The following LDB2 variants were observed in gnomAD, a reference collection of about 807,000 sequenced individuals.
The protein encoded by LDB2 is LIM domain binding 2.
Under a neutral mutation model 44.3 loss-of-function variants are expected in LDB2, and 12 were observed. That is an observed-to-expected ratio of 0.27 (90% CI 0.17 to 0.44). The LOEUF (loss-of-function observed/expected upper bound fraction) is 0.44, where lower values mean the gene tolerates loss of function less well. Ranked by LOEUF, LDB2 falls within the 20% of genes least tolerant of loss-of-function variation. The probability of loss-of-function intolerance (pLI) is 1.00; values close to 1 mark genes in which losing one functional copy is unlikely to be tolerated. For missense variants in LDB2, 344 were observed against 473.5 expected, an observed-to-expected ratio of 0.73 and a Z score of 2.54; for synonymous variants, 164 against 174.8, an observed-to-expected ratio of 0.94 and a Z score of 0.49.
At chr4:16,751,286 A>G (rs1205491591) in intron 2 of LDB2, among the ~76,000 whole-genome samples, 1 of 152,196 alleles carries the variant, frequency 6.6e-6, no homozygotes, top group Non-Finnish European at 1.5e-5. Flanking sequence ...ATAAAAACAT[A>G]CCATATCTGA....
At chr4:16,664,524 C>T (rs1185334959) in intron 2 of LDB2, among the ~76,000 whole-genome samples, 1 of 152,096 alleles carries the variant, frequency 6.6e-6, no homozygotes, top group African/African-American at 2.4e-5. Context: ...CTAAGACCCC[C>T]GTGTTGATCT....
chr4:16,847,695 C>A (rs948814060), intron 1 of LDB2, among the ~76,000 whole-genome samples: 1 of 152,180 alleles, frequency 6.6e-6, no homozygotes, highest in Non-Finnish European at 1.5e-5. Flanking sequence ...CGGCTCATTG[C>A]AAGCTCCGCC....
chr4:16,713,320 G>A (rs1381471026), intron 2 of LDB2, among the ~76,000 whole-genome samples: 2 of 151,946 alleles, frequency 1.3e-5, no homozygotes, highest in East Asian at 3.9e-4. Context: ...TACACTTAAT[G>A]GCAATTGGTG....
At chr4:16,659,648 CACAT>C (rs1027680453) in intron 2 of LDB2, among the ~76,000 whole-genome samples, 5 of 81,192 alleles carry the variant, frequency 6.2e-5, no homozygotes, top group Non-Finnish European at 1.4e-4. Flanking sequence ...TATACACACA[CACAT>C]ATGAGTATAT....
chr4:16,591,429 T>G (rs1560569557), intron 3 of LDB2, among the ~76,000 whole-genome samples: 1 of 152,220 alleles, frequency 6.6e-6, no homozygotes, highest in Non-Finnish European at 1.5e-5. Context: ...CCTCCTAGTT[T>G]CAGTCAAAAC....
At chr4:16,684,571 C>T (rs770997120) in intron 2 of LDB2, among the ~76,000 whole-genome samples, 5 of 152,152 alleles carry the variant, frequency 3.3e-5, no homozygotes, top group Admixed American at 6.5e-5. Context: ...GAGAAAAACA[C>T]TTTGAAAAGG....
In LDB2 at chr4:16,836,273, G is replaced by A. The variant is rs148621496; in HGVS notation, c.132+62081C>T. 5.3e-4 allele frequency among the ~76,000 whole-genome samples: 80 copies of A among 152,318 alleles called. 2 individuals carry two copies. Among genetic ancestry groups the A allele is most frequent in the Admixed American group, 3.3e-3 (51 of 15,306 alleles). On this transcript the variant is annotated intron_variant, in intron 1 of 7. Coordinates refer to ENST00000304523, the MANE Select transcript of LDB2 (RefSeq NM_001290.5). ...TGAAGAATCTCAAATTATTGAGCTT[G>A]TGGGACTAAAATCTAGAACTTCATC...
intron 1 of LDB2, among the ~76,000 whole-genome samples, chr4:16,761,915 G>A (rs1040100691): frequency 2.6e-5 from 4 of 152,158 alleles, no homozygotes; most frequent in African/African-American, 9.7e-5. Flanking sequence ...GGCCTAGGTG[G>A]ATAGATCACC....
At chr4:16,676,366 A>C (rs1746332270) in intron 2 of LDB2, among the ~76,000 whole-genome samples, 1 of 152,220 alleles carries the variant, frequency 6.6e-6, no homozygotes, top group African/African-American at 2.4e-5. Context: ...TATTGCTAGA[A>C]AGTGGAAAGC....
intron 2 of LDB2, among the ~76,000 whole-genome samples, chr4:16,615,295 C>T (rs146164889): frequency 5.3e-5 from 8 of 152,208 alleles, no homozygotes; most frequent in African/African-American, 1.9e-4. Context: ...ACTATAAAGA[C>T]ACATGTACAC....
At chr4:16,753,285 C>T (rs1010148689) in intron 2 of LDB2, among the ~76,000 whole-genome samples, 2 of 152,100 alleles carry the variant, frequency 1.3e-5, no homozygotes, top group Non-Finnish European at 2.9e-5. Context: ...TGGGTGAGTT[C>T]GAACCAATAA....
intron 2 of LDB2, among the ~76,000 whole-genome samples, chr4:16,618,029 T>G (rs1344070694): frequency 6.6e-6 from 1 of 152,188 alleles, no homozygotes; most frequent in African/African-American, 2.4e-5. Flanking sequence ...ACTTGGGAAC[T>G]ACTTCCTCCA....
At chr4:16,637,450 CTCAT>C (rs993023578) in intron 2 of LDB2, among the ~76,000 whole-genome samples, 14 of 151,896 alleles carry the variant, frequency 9.2e-5, no homozygotes, top group African/African-American at 3.4e-4. Flanking sequence ...TCAATGATGA[CTCAT>C]TCATTAATTC....
At chr4:16,599,720 G>A (rs1157466612) in intron 2 of LDB2, among the ~76,000 whole-genome samples, 1 of 152,198 alleles carries the variant, frequency 6.6e-6, no homozygotes, top group Non-Finnish European at 1.5e-5. Context: ...CAGACAGCCA[G>A]AACAAAATCC....
intron 2 of LDB2, among the ~76,000 whole-genome samples, chr4:16,751,385 A>G (rs977781908): frequency 4.6e-5 from 7 of 152,164 alleles, no homozygotes; most frequent in Non-Finnish European, 1.0e-4. Context: ...CCATTATCTC[A>G]TGCGATCATT....
At position 16,898,248 on chromosome 4, in the gene LDB2, T is replaced by C. The variant is rs1314037567; in HGVS notation, c.132+106A>G. The C allele has an allele frequency of 5.4e-6, 6 of 1,110,360 alleles. No individual in the cohort carries two copies. The East Asian group carries it at 1.5e-4, about 27-fold the overall frequency. The allele number at this position is 1,110,360 out of a possible 1,614,324, so 68.8% of individuals were successfully genotyped here. ...GCGCTCATTTCCACGTACGTGGTAG[T>C]ATCAAGTGGGACACTTCCCATAGAA... is the stretch of plus-strand genomic sequence containing the variant. On this transcript the variant is annotated intron_variant, in intron 1 of 7. Transcript: ENST00000304523.
chr4:16,638,166 G>A (rs2152504910), intron 2 of LDB2, among the ~76,000 whole-genome samples: 1 of 152,284 alleles, frequency 6.6e-6, no homozygotes, highest in South Asian at 2.1e-4. Flanking sequence ...AGGGAACTAT[G>A]GATTTTGCTA....
chr4:16,581,855 A>G (rs1313871191), intron 5 of LDB2, among the ~76,000 whole-genome samples: 1 of 152,068 alleles, frequency 6.6e-6, no homozygotes, highest in East Asian at 1.9e-4. Context: ...ATAGGACTAA[A>G]AATAGTTCTT....
intron 2 of LDB2, among the ~76,000 whole-genome samples, chr4:16,694,284 G>A (rs1166418162): frequency 2.6e-5 from 4 of 152,144 alleles, no homozygotes; most frequent in Non-Finnish European, 5.9e-5. Context: ...ATTTACTTGC[G>A]CATTCACACT....
Sources: allele counts gnomAD v4.1 joint callset (sites outside exome capture counted in the v4.1 genomes callset), GRCh38; gene constraint gnomAD v4.1.1; transcripts MANE v1.5; gene names NCBI Gene and HGNC (gene_info 2026-07-23, HGNC 2026-07-21).